The following BCAS3 variants were observed in gnomAD, a reference collection of about 807,000 sequenced individuals.
BCAS3 encodes the protein BCAS3 microtubule associated cell migration factor.
In BCAS3, 53 loss-of-function variants were observed where a neutral mutation model predicts 116.1. The observed-to-expected ratio is 0.46, with a 90% confidence interval of 0.37 to 0.57. BCAS3 has a LOEUF of 0.57. Among genes scored for constraint, BCAS3 ranks in the 20% least tolerant of loss-of-function variants. BCAS3 has a pLI of 0.00. For missense variants in BCAS3, 917 were observed against 1,165.4 expected, an observed-to-expected ratio of 0.79 and a Z score of 3.10; for synonymous variants, 391 against 408.2, an observed-to-expected ratio of 0.96 and a Z score of 0.51.
At chr17:60,744,523 T>C (rs1336870928) in intron 5 of BCAS3, among the ~76,000 whole-genome samples, 1 of 152,220 alleles carries the variant, frequency 6.6e-6, no homozygotes, top group Non-Finnish European at 1.5e-5. Flanking sequence ...AATGGTACTC[T>C]AATGTAGAAT....
intron 22 of BCAS3, among the ~76,000 whole-genome samples, chr17:61,295,589 A>C (rs1201064119): frequency 6.6e-6 from 1 of 152,042 alleles, no homozygotes; most frequent in Non-Finnish European, 1.5e-5. Context: ...GGTTATAGTA[A>C]AGCCTATTTC....
At chr17:60,774,738 C>T (rs2045102536) in intron 6 of BCAS3, among the ~76,000 whole-genome samples, 1 of 152,216 alleles carries the variant, frequency 6.6e-6, no homozygotes, top group Non-Finnish European at 1.5e-5. Context: ...TCTGTCCTGA[C>T]TATTCCACTA....
chr17:60,969,666 C>T (rs531640909), intron 14 of BCAS3, among the ~76,000 whole-genome samples: 9 of 152,248 alleles, frequency 5.9e-5, no homozygotes, highest in Admixed American at 5.9e-4. Flanking sequence ...CATACATTTA[C>T]AACTTCAAAA....
intron 14 of BCAS3, among the ~76,000 whole-genome samples, chr17:60,958,259 A>G (rs923036577): frequency 6.6e-6 from 1 of 152,248 alleles, no homozygotes; most frequent in Admixed American, 6.5e-5. Flanking sequence ...GCGAACAAAG[A>G]AAGAACTACC....
At chr17:60,801,977 C>G (rs1555724381) in intron 6 of BCAS3, among the ~76,000 whole-genome samples, 1 of 151,748 alleles carries the variant, frequency 6.6e-6, no homozygotes, top group Non-Finnish European at 1.5e-5. Flanking sequence ...TGTTTTTGTT[C>G]TTCTCTCTGG....
rs568864280 is a variant in BCAS3 at position 61,084,334 on chromosome 17, G to T, written c.2328-133G>T. 11 of 660,810 alleles carry T rather than the reference G, an allele frequency of 1.7e-5. No individual in the cohort carries two copies. In the African/African-American group the frequency reaches 2.0e-4, roughly 12 times the overall value. 40.9% of individuals were successfully genotyped at this position (660,810 alleles called of 1,614,324 possible). On this transcript the variant is annotated intron_variant, in intron 21 of 23. Transcript: ENST00000407086. The surrounding 1 kb of genome is among the most constrained non-coding windows in gnomAD (Gnocchi z 5.5). ...AGCAATTAGGGACTGCAGCTCCCCT[G>T]TTTGTCTTGTTTTAGAATGGATGGT...
intron 7 of BCAS3, among the ~76,000 whole-genome samples, chr17:60,815,640 A>C (rs189589459): frequency 7.9e-5 from 12 of 152,350 alleles, no homozygotes; most frequent in African/African-American, 2.6e-4. Flanking sequence ...GTTTATAGGC[A>C]TAAATATAGG....
chr17:60,758,887 C>G (rs2043239452), intron 6 of BCAS3, among the ~76,000 whole-genome samples: 1 of 151,986 alleles, frequency 6.6e-6, no homozygotes, highest in Non-Finnish European at 1.5e-5. Flanking sequence ...AGTGGTTGTT[C>G]AGGAGTATCC....
intron 8 of BCAS3, among the ~76,000 whole-genome samples, chr17:60,872,817 G>T (rs1008640352): frequency 2.0e-5 from 3 of 150,630 alleles, no homozygotes; most frequent in Admixed American, 2.0e-4. Context: ...GTATATATCT[G>T]TATGTATATA....
chr17:60,825,686 C>T (rs931415510), intron 7 of BCAS3, among the ~76,000 whole-genome samples: 1 of 151,312 alleles, frequency 6.6e-6, no homozygotes, highest in Non-Finnish European at 1.5e-5. Flanking sequence ...CAAGGTTGCA[C>T]CTTGAACTCC....
chr17:61,033,563 C>CA (rs1277264930), intron 16 of BCAS3, among the ~76,000 whole-genome samples: 2 of 152,120 alleles, frequency 1.3e-5, no homozygotes, highest in South Asian at 2.1e-4. Flanking sequence ...TCCATCCCAC[C>CA]ATACTTTAGT....
In BCAS3 at chr17:61,004,807, G is replaced by C. The variant is rs192056704; in HGVS notation, c.1487-10944G>C. Among the ~76,000 whole-genome samples, 1 of 152,248 alleles carries C rather than the reference G, an allele frequency of 6.6e-6. No homozygotes were observed. Among genetic ancestry groups the C allele is most frequent in the Non-Finnish European group, 1.5e-5 (1 of 68,002 alleles). On this transcript the variant is annotated intron_variant, in intron 15 of 23. Coordinates refer to ENST00000407086, the MANE Select transcript of BCAS3 (RefSeq NM_017679.5). The surrounding 1 kb of genome is among the most constrained non-coding windows in gnomAD (Gnocchi z 4.8). Reference sequence around the variant, plus strand: ...AGAGGGAAATTACTATTTCAGAATGGACCAAGGTGGAATTAACATGGGCAC... The same window carrying C: ...AGAGGGAAATTACTATTTCAGAATGCACCAAGGTGGAATTAACATGGGCAC...
chr17:61,209,846 T>A (rs1241937847), intron 22 of BCAS3, among the ~76,000 whole-genome samples: 1 of 152,232 alleles, frequency 6.6e-6, no homozygotes, highest in East Asian at 1.9e-4. Flanking sequence ...AATGGCCCTA[T>A]GTTTAATAGA....
rs149255798 is a variant in BCAS3, at chr17:61,151,924, G to A, written c.2425+67360G>A. 5.9e-5 allele frequency among the ~76,000 whole-genome samples: 9 copies of A among 152,306 alleles called. No homozygotes were observed. The highest frequency in any genetic ancestry group is 1.9e-4 in the African/African-American group (8 of 41,568). On this transcript the variant is annotated intron_variant, in intron 22 of 23. Transcript: ENST00000407086. The surrounding 1 kb of genome is among the most constrained non-coding windows in gnomAD (Gnocchi z 4.8). Reference sequence around the variant, plus strand: ...ACTATAAGAAGTATGGCAAGCACCAGCTCCACATAGTGACACAGTACCGGA... The same window carrying A: ...ACTATAAGAAGTATGGCAAGCACCAACTCCACATAGTGACACAGTACCGGA...
intron 22 of BCAS3, among the ~76,000 whole-genome samples, chr17:61,173,215 C>G (rs1039043954): frequency 1.3e-5 from 2 of 152,056 alleles, no homozygotes; most frequent in African/African-American, 4.8e-5. Flanking sequence ...CTTTGGGAGG[C>G]CAAGGCGGGA....
chr17:60,731,990 G>T lies in BCAS3; in HGVS notation c.322-15208G>T, dbSNP rs567432824. 3.3e-5 allele frequency among the ~76,000 whole-genome samples: 5 copies of T among 152,010 alleles called. No individual in the cohort carries two copies. In the East Asian group the frequency reaches 9.7e-4, roughly 29 times the overall value. ...GGGTTTCGCGATGTTGTCCAGGCTG[G>T]TCTCAAACTCTTAACCTCAGGTGAT... On this transcript the variant is annotated intron_variant, in intron 5 of 23. Transcript: ENST00000407086.
chr17:61,100,649 C>T (rs1387366118), intron 22 of BCAS3, among the ~76,000 whole-genome samples: 2 of 152,130 alleles, frequency 1.3e-5, no homozygotes, highest in Non-Finnish European at 2.9e-5. Context: ...ATAATAGGCA[C>T]TCAGCAAATG....
chr17:60,689,249 T>TCACTTAAACC (rs2034495320), intron 3 of BCAS3, among the ~76,000 whole-genome samples: 1 of 152,166 alleles, frequency 6.6e-6, no homozygotes, highest in Non-Finnish European at 1.5e-5. Context: ...TCTCTGTTCA[T>TCACTTAAACC]TGCAATCTCT....
intron 5 of BCAS3, among the ~76,000 whole-genome samples, chr17:60,718,130 T>C (rs556278763): frequency 2.6e-5 from 4 of 152,242 alleles, no homozygotes; most frequent in African/African-American, 4.8e-5. Flanking sequence ...GTAAATACAG[T>C]TGAAGCTTCG....
Sources: allele counts gnomAD v4.1 joint callset (sites outside exome capture counted in the v4.1 genomes callset), GRCh38; gene constraint gnomAD v4.1.1; non-coding constraint Gnocchi (gnomAD v3.1); transcripts MANE v1.5; gene names NCBI Gene and HGNC (gene_info 2026-07-23, HGNC 2026-07-21).